The following NELL2 variants were observed in gnomAD, a reference collection of about 807,000 sequenced individuals.
NELL2 encodes the protein protein kinase C-binding protein NELL2.
NELL2 carries 41 observed loss-of-function variants against 109.6 expected under a neutral mutation model. The ratio of observed to expected loss-of-function variants is 0.37; its 90% confidence interval spans 0.29 to 0.49. The LOEUF is 0.49. Ranked by LOEUF, NELL2 falls within the 20% of genes least tolerant of loss-of-function variation. The pLI is 0.98. For missense variants in NELL2, 900 were observed against 1,008.3 expected, an observed-to-expected ratio of 0.89 and a Z score of 1.45; for synonymous variants, 355 against 344.7, an observed-to-expected ratio of 1.03 and a Z score of -0.33.
chr12:44,514,434 T>G (rs1941154441), intron 19 of NELL2, among the ~76,000 whole-genome samples: 1 of 151,764 alleles, frequency 6.6e-6, no homozygotes, highest in Admixed American at 6.6e-5. Flanking sequence ...GTGAGTAAAA[T>G]GTATGATAAA....
At chr12:44,689,281 A>C (rs760256252) in intron 12 of NELL2, among the ~76,000 whole-genome samples, 2 of 152,210 alleles carry the variant, frequency 1.3e-5, no homozygotes, top group Non-Finnish European at 2.9e-5. Context: ...CTCGTCCACA[A>C]AGCTATTATA....
chr12:44,851,629 A>T (rs1483923850), intron 2 of NELL2: 1 of 152,198 alleles, frequency 6.6e-6, no homozygotes, highest in African/African-American at 2.4e-5. Flanking sequence ...AGCTCTAAAC[A>T]TAAGAGTGCT....
intron 1 of NELL2, among the ~76,000 whole-genome samples, chr12:44,883,191 C>A (rs1361473231): frequency 1.3e-5 from 2 of 151,828 alleles, no homozygotes; most frequent in African/African-American, 4.9e-5. Flanking sequence ...ATAAGCCTGA[C>A]ACCAGACTCA....
intron 16 of NELL2, among the ~76,000 whole-genome samples, chr12:44,527,170 C>A (rs540079205): frequency 6.6e-6 from 1 of 152,288 alleles, no homozygotes; most frequent in East Asian, 1.9e-4. Context: ...TCAATCACAG[C>A]GTTGGGCTTG....
intron 14 of NELL2, 36 bp from the exon 15 acceptor site, chr12:44,607,300 GAAGT>G (rs1442398633): frequency 4.5e-6 from 7 of 1,559,110 alleles, no homozygotes; most frequent in Non-Finnish European, 5.3e-6. Context: ...TAGCACTTTA[GAAGT>G]AAGTAGTTTA....
intron 13 of NELL2, among the ~76,000 whole-genome samples, chr12:44,636,699 G>T (rs952879215): frequency 7.2e-4 from 110 of 152,122 alleles, no homozygotes; most frequent in African/African-American, 2.6e-3. Context: ...ATTTTATTGA[G>T]GATTTTCATA....
intron 12 of NELL2, among the ~76,000 whole-genome samples, chr12:44,684,265 T>G (rs1254817803): frequency 6.6e-6 from 1 of 152,240 alleles, no homozygotes; most frequent in African/African-American, 2.4e-5. Context: ...GGTGGTGATA[T>G]TCCCTTTAAC....
At position 44,564,627 on chromosome 12, in the gene NELL2, T is replaced by C. The variant is rs534182023; in HGVS notation, c.1664-31906A>G. On this transcript the variant is annotated intron_variant, in intron 15 of 19. Coordinates refer to ENST00000429094, the MANE Select transcript of NELL2 (RefSeq NM_001145108.2). ...CACACACATACAAACATGTAATGCA[T>C]ATGTGTGTGTATAAAATTGCCTGTG... 3.3e-5 allele frequency among the ~76,000 whole-genome samples: 5 copies of C among 152,258 alleles called. No homozygotes were observed. In the South Asian group the frequency reaches 6.2e-4, roughly 19 times the overall value.
chr12:44,646,425 CA>C (rs536246355), intron 13 of NELL2, among the ~76,000 whole-genome samples: 20 of 152,296 alleles, frequency 1.3e-4, no homozygotes, highest in African/African-American at 4.8e-4. Context: ...CCTGAAACCA[CA>C]AATAGTACCA....
intron 2 of NELL2, among the ~76,000 whole-genome samples, chr12:44,858,032 A>T (rs1287107964): frequency 6.6e-6 from 1 of 152,188 alleles, no homozygotes; most frequent in Non-Finnish European, 1.5e-5. Context: ...AGTCCAAGGG[A>T]GCATGATCCT....
intron 2 of NELL2, among the ~76,000 whole-genome samples, chr12:44,865,669 C>T (rs1286907502): frequency 2.9e-5 from 2 of 68,824 alleles, no homozygotes; most frequent in African/African-American, 6.0e-5. Flanking sequence ...GTGGTGGGGT[C>T]GGGGGAGGGG....
At chr12:44,742,312 A>G (rs532088609) in intron 9 of NELL2, among the ~76,000 whole-genome samples, 3 of 152,188 alleles carry the variant, frequency 2.0e-5, no homozygotes, top group Non-Finnish European at 4.4e-5. Flanking sequence ...CCATCTGTAC[A>G]TCACCATCAT....
At chr12:44,612,821 G>T (rs1945672267) in intron 13 of NELL2, among the ~76,000 whole-genome samples, 1 of 151,952 alleles carries the variant, frequency 6.6e-6, no homozygotes, top group South Asian at 2.1e-4. Flanking sequence ...CCCTGCCTTG[G>T]TTGTCTTTTT....
At chr12:44,735,510 G>T (rs1939593940) in intron 9 of NELL2, among the ~76,000 whole-genome samples, 1 of 152,142 alleles carries the variant, frequency 6.6e-6, no homozygotes, top group Non-Finnish European at 1.5e-5. Context: ...TATCATGAAG[G>T]TATCTGGTTT....
chr12:44,744,205 T>G (rs115892344), intron 9 of NELL2, among the ~76,000 whole-genome samples: 8,144 of 151,644 alleles, frequency 0.054, 688 homozygotes, highest in African/African-American at 0.18. Flanking sequence ...TGACTACAGG[T>G]TAAATAATGA....
chr12:44,890,684 G>C, intron 1 of NELL2, among the ~76,000 whole-genome samples: 1 of 150,986 alleles, frequency 6.6e-6, no homozygotes, highest in East Asian at 1.9e-4. Context: ...TTGCCCCCAA[G>C]GGTTCACACA....
chr12:44,587,899 C>G (rs946066988), intron 15 of NELL2, among the ~76,000 whole-genome samples: 12 of 152,088 alleles, frequency 7.9e-5, no homozygotes, highest in African/African-American at 2.9e-4. Context: ...CACCTGTAAT[C>G]CCAGCACTTT....
At chr12:44,811,306 A>C (rs535563930) in intron 3 of NELL2, among the ~76,000 whole-genome samples, 2 of 134,338 alleles carry the variant, frequency 1.5e-5, no homozygotes, top group Admixed American at 1.7e-4. Context: ...ACAAACCTAC[A>C]CGTTCTGCAC....
At chr12:44,733,317 G>T (rs952608672) in intron 9 of NELL2, among the ~76,000 whole-genome samples, 3 of 151,958 alleles carry the variant, frequency 2.0e-5, no homozygotes, top group Non-Finnish European at 2.9e-5. Flanking sequence ...AGTGTCCACT[G>T]ATGGATGAAT....
Sources: gnomAD v4.1 joint callset for allele counts (sites outside exome capture counted in the v4.1 genomes callset) on GRCh38, gnomAD v4.1.1 for gene constraint, MANE v1.5 for transcripts, NCBI Gene and HGNC (gene_info 2026-07-23, HGNC 2026-07-21) for gene names.